CAMTA1: variants seen among roughly 807,000 people sequenced by gnomAD.
CAMTA1 encodes the protein calmodulin-binding transcription activator 1.
Under a neutral mutation model 170.9 loss-of-function variants are expected in CAMTA1, and 27 were observed. That is an observed-to-expected ratio of 0.16 (90% CI 0.12 to 0.22). CAMTA1 has a LOEUF of 0.22. Among genes scored for constraint, CAMTA1 ranks in the 10% least tolerant of loss-of-function variants. CAMTA1 has a pLI of 1.00. For missense variants in CAMTA1, 1,619 were observed against 2,217.2 expected (o/e 0.73, Z 5.42); for synonymous variants, 833 against 891.5 (o/e 0.93, Z 1.17).
chr1:7,372,243 C>G (rs1277670937), intron 5 of CAMTA1, among the ~76,000 whole-genome samples: 1 of 152,212 alleles, frequency 6.6e-6, no homozygotes, highest in Non-Finnish European at 1.5e-5. Context: ...AAGCTGCTCT[C>G]CTTCGTGCAA....
chr1:7,256,664 T>C (rs1056809342), intron 5 of CAMTA1, among the ~76,000 whole-genome samples: 2 of 152,190 alleles, frequency 1.3e-5, no homozygotes, highest in African/African-American at 4.8e-5. Flanking sequence ...TCCTTCTGTC[T>C]TAGCCACATC....
At chr1:7,111,783 G>T (rs1045948710) in intron 4 of CAMTA1, among the ~76,000 whole-genome samples, 1 of 151,798 alleles carries the variant, frequency 6.6e-6, no homozygotes, top group African/African-American at 2.4e-5. Context: ...TACTCAGGAG[G>T]CTGAAGCAGG....
At chr1:7,754,631 A>G (rs2051645) in intron 21 of CAMTA1, among the ~76,000 whole-genome samples, 106,427 of 152,110 alleles carry the variant, frequency 0.7, 37,506 homozygotes, top group Admixed American at 0.78. Flanking sequence ...TGCCTTAAGT[A>G]TAAATTTTAA....
At chr1:6,880,868 A>G (rs576206418) in intron 3 of CAMTA1, among the ~76,000 whole-genome samples, 4 of 152,328 alleles carry the variant, frequency 2.6e-5, no homozygotes, top group Admixed American at 1.3e-4. Flanking sequence ...GAAGCAATAA[A>G]CAAAACCATG....
chr1:7,746,020 C>G lies in CAMTA1; in HGVS notation c.4546C>G (p.Leu1516Val), dbSNP rs1445927874. Residue 1516 changes from leucine (L) to valine (V), a missense_variant, in exon 18 of 23, where the codon CTG becomes GTG. By Grantham distance (32) the Leu-to-Val change is conservative. Coordinates refer to ENST00000303635, the MANE Select transcript of CAMTA1 (RefSeq NM_015215.4). ...AGAGAATGAGTTTGCTCAGCTCACT[C>G]TGTCTGATCATGAACAGAGAGAACT... ...KVENEFAQLTLSDHEQRELYE... is the reference protein window; with the variant it reads ...KVENEFAQLTVSDHEQRELYE... 1.2e-6 allele frequency: 2 copies of G among 1,614,210 alleles called. No homozygotes were observed. The highest frequency in any genetic ancestry group is 8.5e-7 in the Non-Finnish European group (1 of 1,180,034).
chr1:7,282,908 G>T (rs1671718458), intron 5 of CAMTA1, among the ~76,000 whole-genome samples: 1 of 151,982 alleles, frequency 6.6e-6, no homozygotes, highest in Admixed American at 6.6e-5. Flanking sequence ...TTTTCCAGTA[G>T]CACCAAGACA....
At position 7,350,249 on chromosome 1, in the gene CAMTA1, C is replaced by T. The variant is rs553104613; in HGVS notation, c.438+100623C>T. On this transcript the variant is annotated intron_variant, in intron 5 of 22. Transcript: ENST00000303635. ...CCTCATTGGCAGGAACAGTGGATGC[C>T]GGATTCTCTCTGTGTCCTAGAGCCC... 7.2e-5 allele frequency among the ~76,000 whole-genome samples: 11 copies of T among 152,244 alleles called. No individual in the cohort carries two copies. The South Asian group carries it at 1.7e-3, about 23-fold the overall frequency.
chr1:7,052,503 G>A (rs775595750), intron 3 of CAMTA1, among the ~76,000 whole-genome samples: 42 of 152,050 alleles, frequency 2.8e-4, no homozygotes, highest in Admixed American at 9.2e-4. Context: ...AGGGACCCTC[G>A]GTGTCTTTGT....
rs1189281065 is a variant in CAMTA1 at position 6,965,394 on chromosome 1, T to A, written c.235-125910T>A. On this transcript the variant is annotated intron_variant, in intron 3 of 22. Transcript: ENST00000303635. The surrounding 1 kb of genome is among the most constrained non-coding windows in gnomAD (Gnocchi z 4.1). ...ATTCTGTTGTTATAAATAAGGCTGG[T>A]TTTTATATTCCCATTTGACCAGGGA... Among the ~76,000 whole-genome samples the A allele has an allele frequency of 6.6e-6, 1 of 152,114 alleles. No individual in the cohort carries two copies. Among genetic ancestry groups the A allele is most frequent in the Admixed American group, 6.5e-5 (1 of 15,272 alleles).
intron 3 of CAMTA1, among the ~76,000 whole-genome samples, chr1:7,081,471 C>T (rs1640003341): frequency 6.6e-6 from 1 of 152,232 alleles, no homozygotes; most frequent in African/African-American, 2.4e-5. Flanking sequence ...AGTCTTGGAT[C>T]TGGCTTCATC....
intron 4 of CAMTA1, among the ~76,000 whole-genome samples, chr1:7,098,352 G>A (rs757864113): frequency 2.6e-4 from 39 of 152,260 alleles, no homozygotes; most frequent in Non-Finnish European, 4.1e-4. Flanking sequence ...CGTTAGGTGC[G>A]TGTCAGCATT....
In CAMTA1 at chr1:6,982,864, T is replaced by C. The variant is rs533544190; in HGVS notation, c.235-108440T>C. Among the ~76,000 whole-genome samples, 59 of 152,250 alleles carry C rather than the reference T, an allele frequency of 3.9e-4. 1 individual carries two copies. In the Middle Eastern group the frequency reaches 0.02, roughly 53 times the overall value. On this transcript the variant is annotated intron_variant, in intron 3 of 22. Transcript: ENST00000303635. ...ATCCTGCCTCAGTGGCCCAAACTCA[T>C]AGGGCTTGGTGGGGACCAGGCCAAT... is the stretch of plus-strand genomic sequence containing the variant.
intron 5 of CAMTA1, among the ~76,000 whole-genome samples, chr1:7,464,972 C>T (rs369080702): frequency 4.7e-4 from 71 of 152,298 alleles, no homozygotes; most frequent in African/African-American, 1.7e-3. Context: ...GAGCTGCTTT[C>T]CCCACTTGGA....
chr1:7,214,407 C>A (rs1225501221), intron 4 of CAMTA1, among the ~76,000 whole-genome samples: 1 of 145,930 alleles, frequency 6.9e-6, no homozygotes, highest in Non-Finnish European at 1.5e-5. Flanking sequence ...CACTCTGTCA[C>A]CCAGGCTGGA....
chr1:6,865,508 G>T (rs183070411), intron 3 of CAMTA1, among the ~76,000 whole-genome samples: 1 of 152,300 alleles, frequency 6.6e-6, no homozygotes, highest in Non-Finnish European at 1.5e-5. Flanking sequence ...CCATTTTTAA[G>T]ATCTGCACTC....
Position 7,592,567 on chromosome 1 carries a change from C to A in CAMTA1, c.511-47833C>A, listed in dbSNP as rs2095363331. ...TGACCAGGGCAGGGACTCTTAGGGACACAGGGCCGTGGGAAAGACCTGCTG... is the reference window on the plus strand; with the variant it reads ...TGACCAGGGCAGGGACTCTTAGGGAAACAGGGCCGTGGGAAAGACCTGCTG... On this transcript the variant is annotated intron_variant, in intron 6 of 22. Coordinates refer to ENST00000303635, the MANE Select transcript of CAMTA1 (RefSeq NM_015215.4). The surrounding 1 kb of genome is among the most constrained non-coding windows in gnomAD (Gnocchi z 4.6). Among the ~76,000 whole-genome samples the A allele has an allele frequency of 6.6e-6, 1 of 152,192 alleles. No individual in the cohort carries two copies. The highest frequency in any genetic ancestry group is 2.1e-4 in the South Asian group (1 of 4,832).
At chr1:6,911,454 A>T (rs1337671679) in intron 3 of CAMTA1, among the ~76,000 whole-genome samples, 1 of 152,254 alleles carries the variant, frequency 6.6e-6, no homozygotes, top group Non-Finnish European at 1.5e-5. Context: ...GCCAGAAACC[A>T]GAAAACAAAG....
chr1:7,358,636 G>T (rs1188164998), intron 5 of CAMTA1, among the ~76,000 whole-genome samples: 1 of 152,182 alleles, frequency 6.6e-6, no homozygotes, highest in African/African-American at 2.4e-5. Flanking sequence ...TGAGCTTGCA[G>T]GAATAAATCT....
chr1:7,130,555 G>A (rs999065380), intron 4 of CAMTA1, among the ~76,000 whole-genome samples: 1 of 152,114 alleles, frequency 6.6e-6, no homozygotes, highest in African/African-American at 2.4e-5. Context: ...TGATTTTTGT[G>A]TCATTTTACT....
Sources: allele counts gnomAD v4.1 joint callset (sites outside exome capture counted in the v4.1 genomes callset), GRCh38; gene constraint gnomAD v4.1.1; non-coding constraint Gnocchi (gnomAD v3.1); transcripts MANE v1.5; gene names NCBI Gene and HGNC (gene_info 2026-07-23, HGNC 2026-07-21).